The following CD38 variants were observed in gnomAD, a reference collection of about 807,000 sequenced individuals.
CD38 encodes CD38 molecule.
In CD38, 31 loss-of-function variants were observed where a neutral mutation model predicts 36.3. The observed-to-expected ratio is 0.85, with a 90% CI of 0.64 to 1.15. The LOEUF is 1.15. CD38 is among the 50% of genes most tolerant of loss of function. The pLI is 0.00. For missense variants in CD38, 380 were observed against 371.9 expected (o/e 1.02, Z -0.18); for synonymous variants, 131 against 135.2 (o/e 0.97, Z 0.22).
intron 1 of CD38, among the ~76,000 whole-genome samples, chr4:15,816,024 T>C (rs1723587192): frequency 6.6e-6 from 1 of 152,152 alleles, no homozygotes; most frequent in Non-Finnish European, 1.5e-5. Context: ...GAGATAATCA[T>C]GTGATTTTTT....
At chr4:15,816,998 T>C (rs975329982) in intron 2 of CD38, among the ~76,000 whole-genome samples, 2 of 152,216 alleles carry the variant, frequency 1.3e-5, no homozygotes, top group African/African-American at 2.4e-5. Context: ...GTAGTAGTAG[T>C]AGTAATAACA....
At chr4:15,788,142 A>T (rs1722881966) in intron 1 of CD38, among the ~76,000 whole-genome samples, 2 of 152,026 alleles carry the variant, frequency 1.3e-5, no homozygotes, top group African/African-American at 4.8e-5. Context: ...CACCTTAACA[A>T]TCACTTCTTA....
At chr4:15,813,337 T>C (rs73114407) in intron 1 of CD38, among the ~76,000 whole-genome samples, 2,902 of 152,322 alleles carry the variant, frequency 0.019, 89 homozygotes, top group African/African-American at 0.067. Flanking sequence ...TGTTGGATTT[T>C]GTTAATATTT....
chr4:15,780,257 CT>C (rs1722661733), intron 1 of CD38, among the ~76,000 whole-genome samples: 1 of 152,090 alleles, frequency 6.6e-6, no homozygotes, highest in Admixed American at 6.5e-5. Context: ...TGCCATTTTA[CT>C]CTCCCATCAT....
chr4:15,817,964 T>C (rs1723637962), intron 2 of CD38, among the ~76,000 whole-genome samples: 1 of 152,062 alleles, frequency 6.6e-6, no homozygotes, highest in South Asian at 2.1e-4. Flanking sequence ...CAGGAGTTTT[T>C]TTCGTACCCC....
rs185966652 is a variant in CD38 at position 15,849,876 on chromosome 4, C to G, written c.*1274C>G. ...TAGATTTTAGGACGATATATTTTCC[C>G]TTGAGTTCTGCTTTAGCTGCAGCTC... On this transcript the variant is annotated 3_prime_UTR_variant, in exon 8 of 8. Transcript: ENST00000226279. 275 of 152,270 alleles carry G rather than the reference C, an allele frequency of 1.8e-3. 2 individuals carry two copies. The highest frequency in any genetic ancestry group is 6.3e-3 in the African/African-American group (260 of 41,552). The allele number at this position is 152,270 out of a possible 1,614,324, so 9.4% of individuals were successfully genotyped here.
intron 1 of CD38, among the ~76,000 whole-genome samples, chr4:15,794,495 GA>G (rs1456396232): frequency 6.6e-6 from 1 of 152,232 alleles, no homozygotes; most frequent in African/African-American, 2.4e-5. Flanking sequence ...ATTTCAGAAA[GA>G]GGGGGTATAA....
At chr4:15,790,522 G>C (rs567486966) in intron 1 of CD38, among the ~76,000 whole-genome samples, 1 of 151,866 alleles carries the variant, frequency 6.6e-6, no homozygotes, top group Non-Finnish European at 1.5e-5. Flanking sequence ...ATCTCGGCTC[G>C]CTACAACCTC....
intron 1 of CD38, among the ~76,000 whole-genome samples, chr4:15,797,259 T>C (rs1048399932): frequency 9.9e-5 from 15 of 152,220 alleles, no homozygotes; most frequent in Non-Finnish European, 2.9e-5. Flanking sequence ...TTTAATGACA[T>C]TACTTTTGAG....
At chr4:15,838,305 T>C (rs1724115711) in intron 5 of CD38, 140 bp downstream of exon 5, 1 of 672,936 alleles carries the variant, frequency 1.5e-6, no homozygotes. Flanking sequence ...AAATTTTGAA[T>C]TCCGTGGAGA....
intron 1 of CD38, among the ~76,000 whole-genome samples, chr4:15,782,599 G>A (rs979193282): frequency 1.3e-5 from 2 of 152,138 alleles, no homozygotes; most frequent in Non-Finnish European, 2.9e-5. Flanking sequence ...ATATAAGCCA[G>A]GGTATTAAAA....
At chr4:15,809,594 C>T (rs1723421110) in intron 1 of CD38, among the ~76,000 whole-genome samples, 1 of 152,070 alleles carries the variant, frequency 6.6e-6, no homozygotes, top group South Asian at 2.1e-4. Flanking sequence ...TGAAGTGTGG[C>T]CAGGGCTGAG....
intron 1 of CD38, among the ~76,000 whole-genome samples, chr4:15,788,203 C>T (rs1196840283): frequency 2.0e-5 from 3 of 152,180 alleles, no homozygotes; most frequent in African/African-American, 7.2e-5. Context: ...TAGTACTGTG[C>T]CCATGATGGG....
intron 5 of CD38, 63 bp from the exon 6 acceptor site, chr4:15,839,962 GA>G (rs1560320864): frequency 4.7e-6 from 5 of 1,070,782 alleles, no homozygotes; most frequent in Non-Finnish European, 7.3e-6. Flanking sequence ...GCTGGTTGTT[GA>G]GGGGGGTGTG....
intron 1 of CD38, among the ~76,000 whole-genome samples, chr4:15,805,296 C>T (rs943904025): frequency 3.3e-5 from 5 of 151,484 alleles, no homozygotes; most frequent in African/African-American, 1.2e-4. Context: ...GACGCTTATT[C>T]CTTCTGCCTA....
At chr4:15,790,184 T>C (rs1223885003) in intron 1 of CD38, among the ~76,000 whole-genome samples, 10 of 70,936 alleles carry the variant, frequency 1.4e-4, no homozygotes, top group East Asian at 1.1e-3. Flanking sequence ...TCCCCCTCCC[T>C]CTCCCTCTCT....
intron 4 of CD38, among the ~76,000 whole-genome samples, chr4:15,835,538 CG>C (rs1457799673): frequency 6.6e-6 from 1 of 151,756 alleles, no homozygotes; most frequent in East Asian, 1.9e-4. Context: ...CCACTATGCC[CG>C]GCTAATTTTT....
At chr4:15,825,567 T>C (rs1290157284) in intron 3 of CD38, 1 of 152,338 alleles carries the variant, frequency 6.6e-6, no homozygotes, top group Non-Finnish European at 1.5e-5. Context: ...ACTATAGCAC[T>C]ACCCTTAATG....
In CD38 at chr4:15,778,738, C is replaced by A; in HGVS notation, c.233+91C>A. The A allele has an allele frequency of 3.3e-6, 3 of 913,634 alleles. No homozygotes were observed. Among genetic ancestry groups the A allele is most frequent in the Non-Finnish European group, 3.4e-6 (2 of 595,794 alleles). 56.6% of individuals were successfully genotyped at this position (913,634 alleles called of 1,614,324 possible). A position where few individuals can be genotyped will look rare whatever the true frequency, so the allele number is the denominator to read the frequency against. On this transcript the variant is annotated intron_variant, in intron 1 of 7. Transcript: ENST00000226279. The surrounding 1 kb of genome is among the most constrained non-coding windows in gnomAD (Gnocchi z 4.9). ...GCCGCCCGGATCGCCCGGAACCGGGCATCTTCCGTGGCGGGTCAGCCGAGA... is the reference window on the plus strand; with the variant it reads ...GCCGCCCGGATCGCCCGGAACCGGGAATCTTCCGTGGCGGGTCAGCCGAGA...
Sources: gnomAD v4.1 joint callset for allele counts (sites outside exome capture counted in the v4.1 genomes callset) on GRCh38, gnomAD v4.1.1 for gene constraint, Gnocchi (gnomAD v3.1) non-coding constraint, MANE v1.5 for transcripts, NCBI Gene and HGNC (gene_info 2026-07-23, HGNC 2026-07-21) for gene names.